Variants in PTPRS observed in about 807,000 individuals in gnomAD.
PTPRS encodes the protein receptor-type tyrosine-protein phosphatase S.
A neutral mutation model predicts 215.3 loss-of-function variants in PTPRS; 63 were observed. The ratio of observed to expected loss-of-function variants is 0.29; its 90% CI spans 0.24 to 0.36. The LOEUF is 0.36. Among genes scored for constraint, PTPRS ranks in the 10% least tolerant of loss-of-function variants. The pLI is 1.00. For missense variants in PTPRS, 2,258 were observed against 2,825.8 expected (o/e 0.80, Z 4.56); for synonymous variants, 1,404 against 1,191.4 (o/e 1.18, Z -3.68).
chr19:5,221,069 G>T lies in PTPRS; in HGVS notation c.3386C>A (p.Ala1129Asp). The T allele has an allele frequency of 6.2e-7, 1 of 1,613,934 alleles. No homozygotes were observed. The highest frequency in any genetic ancestry group is 8.5e-7 in the Non-Finnish European group (1 of 1,180,004). The change falls in exon 20 of 38, where the codon GCC becomes GAC. Residue 1129 changes from alanine (A) to aspartate (D), a missense_variant. This residue lies in a region of PTPRS where 927 missense variants were observed against 1,125.9 expected (regional missense o/e 0.82). Coordinates refer to ENST00000262963, the MANE Select transcript of PTPRS (RefSeq NM_002850.4). ...GAAGCCGTCAGCATCAGGCTTGGGG[G>T]CGACGCTGGGCTTGCCGTTGAGCAG... The part of the protein sequence containing the change: ...FNLLNGKPSV[A>D]PKPDADGFIM...
Position 5,218,408 on chromosome 19 carries a change from A to AT in PTPRS, c.4048+11dup, listed in dbSNP as rs2041679391. 1 of 1,609,636 alleles carries AT rather than the reference A, an allele frequency of 6.2e-7. No homozygotes were observed. ...GTTGGTGGCATCCCTGGTACCAGGG[A>AT]TAAGTACATACCTGGAGTCTGGAAG... On this transcript the variant is annotated intron_variant, in intron 25 of 37. Transcript: ENST00000262963.
intron 1 of PTPRS, among the ~76,000 whole-genome samples, chr19:5,331,834 G>A (rs1259999282): frequency 6.6e-6 from 1 of 152,202 alleles, no homozygotes; most frequent in Non-Finnish European, 1.5e-5. Context: ...TTATCATTAT[G>A]ACCAATATTA....
At chr19:5,234,690 C>T (rs891811231) in intron 13 of PTPRS, among the ~76,000 whole-genome samples, 5 of 151,986 alleles carry the variant, frequency 3.3e-5, no homozygotes, top group Non-Finnish European at 5.9e-5. Flanking sequence ...GCGTGCCAGG[C>T]ACTGTGCTAA....
At chr19:5,316,242 G>C (rs2049872259) in intron 1 of PTPRS, among the ~76,000 whole-genome samples, 1 of 152,142 alleles carries the variant, frequency 6.6e-6, no homozygotes, top group Admixed American at 6.6e-5. Flanking sequence ...TTTGGACACA[G>C]GTTTTGAACA....
intron 1 of PTPRS, among the ~76,000 whole-genome samples, chr19:5,318,227 G>A (rs577774389): frequency 6.6e-6 from 1 of 151,898 alleles, no homozygotes; most frequent in Non-Finnish European, 1.5e-5. Context: ...TGTAGTCCCA[G>A]CTACTCTAGA....
In PTPRS at chr19:5,215,580, G is replaced by A. The variant is rs760885887; in HGVS notation, c.4112C>T (p.Pro1371Leu). 30 of 1,608,554 alleles carry A rather than the reference G, an allele frequency of 1.9e-5. No homozygotes were observed. The highest frequency in any genetic ancestry group is 2.4e-5 in the Non-Finnish European group (28 of 1,176,838). ...CGCCATGTCTGCGATGGGAATTGGC[G>A]GGTGGCTAAGCATGCCTACAGGGTG... Reference protein sequence around the residue: ...GFHFESMLSHPPIPIADMAEH... With the variant: ...GFHFESMLSHLPIPIADMAEH... The change falls in exon 27 of 38, where the codon CCG becomes CTG. Residue 1371 changes from proline to leucine, a missense_variant. Pro to Leu is a moderately conservative substitution (Grantham distance 98, BLOSUM62 -3). Transcript: ENST00000262963.
rs751229657 is a variant in PTPRS, at chr19:5,218,516, C to T, written c.3952G>A (p.Glu1318Lys). The change falls in exon 25 of 38, where the codon GAA becomes AAA. Residue 1318 changes from glutamate to lysine, a missense_variant. Glu to Lys is a moderately conservative substitution (Grantham distance 56). This residue lies in a region of PTPRS where 927 missense variants were observed against 1,125.9 expected (regional missense o/e 0.82). Transcript: ENST00000262963. ...TTCAGGAGGCATTTGGTGCGGGGTT[C>T]TGAGTCCTTGCGTTTACTTTAGGAG... The part of the protein sequence containing the change: ...NKPDSKRKDS[E>K]PRTKCLLNNA... 1 of 1,614,126 alleles carries T rather than the reference C, an allele frequency of 6.2e-7. No individual in the cohort carries two copies. The highest frequency in any genetic ancestry group is 8.5e-7 in the Non-Finnish European group (1 of 1,180,020).
intron 25 of PTPRS, among the ~76,000 whole-genome samples, chr19:5,217,899 A>C (rs2041629101): frequency 6.6e-6 from 1 of 152,182 alleles, no homozygotes; most frequent in South Asian, 2.1e-4. Flanking sequence ...CTGTCAGGTG[A>C]CTTTAATCTA....
At chr19:5,236,372 G>A (rs915734397) in intron 13 of PTPRS, among the ~76,000 whole-genome samples, 7 of 152,232 alleles carry the variant, frequency 4.6e-5, no homozygotes, top group African/African-American at 1.7e-4. Flanking sequence ...AGACTTGGCC[G>A]TGATTCACAG....
At chr19:5,256,764 G>A (rs1301503679) in intron 8 of PTPRS, among the ~76,000 whole-genome samples, 1 of 151,894 alleles carries the variant, frequency 6.6e-6, no homozygotes, top group African/African-American at 2.4e-5. Context: ...CCCCCTCCAT[G>A]CGACCTCCTC....
intron 4 of PTPRS, chr19:5,273,156 A>T: frequency 2.1e-6 from 1 of 466,118 alleles, no homozygotes; most frequent in Non-Finnish European, 3.9e-6. Flanking sequence ...TCTCGCTTGA[A>T]CCCATCTGAG....
At chr19:5,206,895 G>A in intron 37 of PTPRS, 53 bp from the exon 38 acceptor site, 1 of 1,553,476 alleles carries the variant, frequency 6.4e-7, no homozygotes, top group South Asian at 1.1e-5. Flanking sequence ...ACGCCTCCCA[G>A]GGCTCCCTAT....
chr19:5,302,540 T>C (rs2049333841), intron 1 of PTPRS, among the ~76,000 whole-genome samples: 1 of 152,230 alleles, frequency 6.6e-6, no homozygotes, highest in Non-Finnish European at 1.5e-5. Context: ...CCATGGTCGC[T>C]GGATACTGTT....
chr19:5,312,823 G>A (rs557236070), intron 1 of PTPRS, among the ~76,000 whole-genome samples: 4 of 152,172 alleles, frequency 2.6e-5, no homozygotes, highest in Admixed American at 6.5e-5. Context: ...ACTGAGCATC[G>A]GAGAGGTCAA....
At chr19:5,241,797 G>A (rs1407294718) in intron 11 of PTPRS, among the ~76,000 whole-genome samples, 1 of 152,110 alleles carries the variant, frequency 6.6e-6, no homozygotes, top group Non-Finnish European at 1.5e-5. Flanking sequence ...TGCCACCTGA[G>A]CAGGGAGGGA....
At chr19:5,277,424 G>A (rs2047475982) in intron 2 of PTPRS, among the ~76,000 whole-genome samples, 1 of 152,214 alleles carries the variant, frequency 6.6e-6, no homozygotes, top group Non-Finnish European at 1.5e-5. Context: ...GGGAGACTGA[G>A]GTGGGTGGAT....
At chr19:5,228,516 G>A (rs891788425) in intron 16 of PTPRS, among the ~76,000 whole-genome samples, 13 of 151,836 alleles carry the variant, frequency 8.6e-5, no homozygotes, top group African/African-American at 2.9e-4. Flanking sequence ...AGGCTGTTTC[G>A]TATTATTAGT....
At position 5,274,739 on chromosome 19, in the gene PTPRS, A is replaced by AC. The variant is rs557859205; in HGVS notation, c.92-396dup. ...TGGGGTCCCTAAATTCAGCACCTGA[A>AC]CCCCCCCTCCATGGTGACCAGCCAA... On this transcript the variant is annotated intron_variant, in intron 2 of 37. Transcript: ENST00000262963. Among the ~76,000 whole-genome samples, 524 of 151,070 alleles carry AC rather than the reference A, an allele frequency of 3.5e-3. 5 individuals are homozygous for AC. The highest frequency in any genetic ancestry group is 0.012 in the African/African-American group (503 of 41,162).
chr19:5,215,787 G>A (rs569297677), intron 26 of PTPRS, among the ~76,000 whole-genome samples, 192 bp from the exon 27 acceptor site: 3 of 152,234 alleles, frequency 2.0e-5, no homozygotes, highest in Non-Finnish European at 2.9e-5. Flanking sequence ...AGGCCTAGGG[G>A]ACTCTAAAGG....
Sources: gnomAD v4.1 joint callset for allele counts (sites outside exome capture counted in the v4.1 genomes callset) on GRCh38, gnomAD v4.1.1 for gene constraint, gnomAD v4.1.1 regional missense constraint, MANE v1.5 for transcripts, NCBI Gene and HGNC (gene_info 2026-07-23, HGNC 2026-07-21) for gene names.